The following LRRC8D variants were observed in gnomAD, a reference collection of about 807,000 sequenced individuals.
The protein encoded by LRRC8D is leucine rich repeat containing 8 VRAC subunit D, also known as volume-regulated anion channel subunit LRRC8D.
LRRC8D carries 20 observed loss-of-function variants against 55.8 expected under a neutral mutation model. The ratio of observed to expected loss-of-function variants is 0.36; its 90% CI spans 0.25 to 0.52. The LOEUF (loss-of-function observed/expected upper bound fraction) is 0.52. LRRC8D is among the 20% of genes least tolerant of loss of function. The pLI is 0.93. For missense variants in LRRC8D, 651 were observed against 1,030.8 expected (o/e 0.63, Z 5.05); for synonymous variants, 352 against 377.0 (o/e 0.93, Z 0.77).
In LRRC8D at chr1:89,935,349, G is replaced by A; in HGVS notation, c.2281G>A (p.Gly761Arg). Residue 761 changes from glycine to arginine, a missense_variant, in exon 3 of 3, where the codon GGG (glycine) becomes AGG (arginine). By Grantham distance (125) the Gly-to-Arg change is moderately radical. Coordinates refer to ENST00000337338, the MANE Select transcript of LRRC8D (RefSeq NM_001134479.2). ...GAACCTGCAGCATTTGCATATCACT[G>A]GGAACAAAGTGGACATTCTGCCAAA... ...LQNLQHLHIT[G>R]NKVDILPKQL... 1.2e-6 allele frequency: 2 copies of A among 1,614,204 alleles called. No individual in the cohort carries two copies. The highest frequency in any genetic ancestry group is 1.7e-6 in the Non-Finnish European group (2 of 1,180,028).
intron 1 of LRRC8D, among the ~76,000 whole-genome samples, chr1:89,824,454 C>G (rs917487562): frequency 6.6e-6 from 1 of 152,160 alleles, no homozygotes; most frequent in African/African-American, 2.4e-5. Context: ...GGGCCCTATC[C>G]AATTTATTTA....
chr1:89,882,953 G>A (rs763508480), intron 2 of LRRC8D, among the ~76,000 whole-genome samples: 1 of 152,174 alleles, frequency 6.6e-6, no homozygotes, highest in African/African-American at 2.4e-5. Flanking sequence ...TAGGAGGGAG[G>A]ACGAGGGCAG....
intron 2 of LRRC8D, among the ~76,000 whole-genome samples, chr1:89,925,266 T>A (rs1395602249): frequency 6.6e-6 from 1 of 152,180 alleles, no homozygotes; most frequent in Non-Finnish European, 1.5e-5. Flanking sequence ...TGTCACTGTC[T>A]TCCATCACTC....
intron 1 of LRRC8D, among the ~76,000 whole-genome samples, chr1:89,831,186 A>G (rs894627687): frequency 7.9e-5 from 12 of 152,206 alleles, no homozygotes; most frequent in East Asian, 3.8e-4. Context: ...GATTACAGGC[A>G]TGAGCCACCA....
At chr1:89,881,392 A>T (rs1662279519) in intron 2 of LRRC8D, among the ~76,000 whole-genome samples, 1 of 152,168 alleles carries the variant, frequency 6.6e-6, no homozygotes, top group Non-Finnish European at 1.5e-5. Flanking sequence ...AGAATGATGG[A>T]CTTGGGAAAT....
rs1663863221 is a variant in LRRC8D at position 89,936,591 on chromosome 1, C to G, written c.*946C>G. 1 of 152,084 alleles carries G rather than the reference C, an allele frequency of 6.6e-6. No individual in the cohort carries two copies. 9.4% of individuals were successfully genotyped at this position (152,084 alleles called of 1,614,324 possible). On this transcript the variant is annotated 3_prime_UTR_variant, in exon 3 of 3. Transcript: ENST00000337338. Reference sequence around the variant, plus strand: ...ATGTAGTTCATTGGGTAGGGAAACTCTTACCTTTCCCTATCTTAATGACAA... The same window carrying G: ...ATGTAGTTCATTGGGTAGGGAAACTGTTACCTTTCCCTATCTTAATGACAA...
chr1:89,827,690 C>T (rs952172940), intron 1 of LRRC8D, among the ~76,000 whole-genome samples: 4 of 152,200 alleles, frequency 2.6e-5, no homozygotes, highest in East Asian at 3.8e-4. Context: ...TAAGCCCAAG[C>T]GTGCTATTTT....
intron 2 of LRRC8D, among the ~76,000 whole-genome samples, chr1:89,871,857 G>A (rs538740662): frequency 2.6e-4 from 40 of 152,162 alleles, no homozygotes; most frequent in African/African-American, 8.7e-4. Context: ...GGCCTTTTTT[G>A]TACTTTTGCC....
At chr1:89,821,554 G>A (rs1345307445) in intron 1 of LRRC8D, among the ~76,000 whole-genome samples, 1 of 152,164 alleles carries the variant, frequency 6.6e-6, no homozygotes, top group South Asian at 2.1e-4. Context: ...GCCCCGGGCG[G>A]CCGGCCCTGC....
intron 2 of LRRC8D, among the ~76,000 whole-genome samples, chr1:89,932,725 A>G (rs958169902): frequency 2.6e-5 from 4 of 152,120 alleles, no homozygotes; most frequent in African/African-American, 9.7e-5. Flanking sequence ...CCACTCCTTG[A>G]CCTCCAAATT....
chr1:89,848,574 G>C (rs369902226), intron 2 of LRRC8D, among the ~76,000 whole-genome samples: 1 of 152,030 alleles, frequency 6.6e-6, no homozygotes, highest in African/African-American at 2.4e-5. Flanking sequence ...TCCTTTATTT[G>C]TTAAAAGAAA....
At chr1:89,822,040 C>T (rs2100681158) in intron 1 of LRRC8D, 3 of 152,690 alleles carry the variant, frequency 2.0e-5, no homozygotes, top group Middle Eastern at 3.4e-3. Context: ...GGACCAGCAC[C>T]TCCAGTTACT....
At chr1:89,828,791 G>T (rs532982478) in intron 1 of LRRC8D, among the ~76,000 whole-genome samples, 4 of 151,742 alleles carry the variant, frequency 2.6e-5, no homozygotes, top group Admixed American at 1.3e-4. Flanking sequence ...ATGCTTGCTG[G>T]TAATAGTTAG....
chr1:89,831,197 C>T (rs1451220862), intron 1 of LRRC8D, among the ~76,000 whole-genome samples: 1 of 152,180 alleles, frequency 6.6e-6, no homozygotes, highest in Non-Finnish European at 1.5e-5. Flanking sequence ...TGAGCCACCA[C>T]GCCTGGCCCA....
intron 2 of LRRC8D, among the ~76,000 whole-genome samples, chr1:89,904,166 C>T (rs1461831741): frequency 6.6e-6 from 1 of 152,210 alleles, no homozygotes; most frequent in East Asian, 1.9e-4. Context: ...CTGGAAGGAT[C>T]GTCCTCACCC....
chr1:89,932,979 TTTAG>T (rs1663748996), intron 2 of LRRC8D, 84 bp from the exon 3 acceptor site: 2 of 1,167,154 alleles, frequency 1.7e-6, no homozygotes, highest in African/African-American at 1.5e-5. Context: ...ATGAGAAAAC[TTTAG>T]TTAGGAGCAG....
At chr1:89,826,515 G>A (rs1660767669) in intron 1 of LRRC8D, among the ~76,000 whole-genome samples, 1 of 152,144 alleles carries the variant, frequency 6.6e-6, no homozygotes, top group Non-Finnish European at 1.5e-5. Context: ...GCCTCCCAAA[G>A]TGCTGGGATT....
chr1:89,932,329 G>A (rs1663730213), intron 2 of LRRC8D, among the ~76,000 whole-genome samples: 1 of 152,118 alleles, frequency 6.6e-6, no homozygotes, highest in Non-Finnish European at 1.5e-5. Context: ...CTTTCCATAG[G>A]ACTGCATCAA....
intron 2 of LRRC8D, among the ~76,000 whole-genome samples, chr1:89,856,955 T>C (rs376183672): frequency 6.6e-6 from 1 of 152,244 alleles, no homozygotes; most frequent in Non-Finnish European, 1.5e-5. Context: ...AATTATACTT[T>C]CTTTTTAAAA....
Sources: gnomAD v4.1 joint callset for allele counts (sites outside exome capture counted in the v4.1 genomes callset) on GRCh38, gnomAD v4.1.1 for gene constraint, MANE v1.5 for transcripts, NCBI Gene and HGNC (gene_info 2026-07-23, HGNC 2026-07-21) for gene names.